AKT2: variants seen among roughly 807,000 people sequenced by gnomAD.
The protein encoded by AKT2 is AKT serine/threonine kinase 2.
AKT2 carries 16 observed loss-of-function variants against 58.6 expected under a neutral mutation model. That is an observed-to-expected ratio of 0.27 (90% CI 0.18 to 0.41). The LOEUF (loss-of-function observed/expected upper bound fraction) is 0.41. AKT2 is among the 10% of genes least tolerant of loss of function. AKT2 has a pLI of 1.00. For missense variants in AKT2, 438 were observed against 661.0 expected (o/e 0.66, Z 3.70); for synonymous variants, 253 against 254.0 (o/e 1.00, Z 0.04).
Position 40,233,560 on chromosome 19 carries a change from C to G in AKT2, c.*312G>C, listed in dbSNP as rs367853315. 2 of 670,698 alleles carry G rather than the reference C, an allele frequency of 3.0e-6. No homozygotes were observed. The highest frequency in any genetic ancestry group is 5.9e-5 in the East Asian group (2 of 34,078). 41.5% of individuals were successfully genotyped at this position (670,698 alleles called of 1,614,324 possible). On this transcript the variant is annotated 3_prime_UTR_variant, in exon 14 of 14. Coordinates refer to ENST00000392038, the MANE Select transcript of AKT2 (RefSeq NM_001626.6). The surrounding 1 kb of genome is among the most constrained non-coding windows in gnomAD (Gnocchi z 4.3). ...GCCAGAAACTCAGGCAGGCCCCAGG[C>G]GCCATGCTTCACCCCTCACTGGGGC...
At chr19:40,285,148 G>A (rs1196108790) in intron 1 of AKT2, 33 bp downstream of exon 1, 13 of 392,878 alleles carry the variant, frequency 3.3e-5, no homozygotes, top group African/African-American at 1.2e-4. Flanking sequence ...CATCGTGGGG[G>A]GGGCGTTCGG....
chr19:40,247,282 C>A (rs1196655495), intron 4 of AKT2, among the ~76,000 whole-genome samples: 3 of 152,198 alleles, frequency 2.0e-5, no homozygotes, highest in Non-Finnish European at 4.4e-5. Flanking sequence ...GGGTAAACCA[C>A]GACTGTAAAA....
In AKT2 at chr19:40,285,189, GGCA is replaced by G. The variant is rs1231117455; in HGVS notation, c.-96_-94del. On this transcript the variant is annotated 5_prime_UTR_variant, in exon 1 of 14. Coordinates refer to ENST00000392038, the MANE Select transcript of AKT2 (RefSeq NM_001626.6). ...CGCGCTGGCGCACTCACCTGTCACC[GGCA>G]GCCGCCCAGCCTCTCCGGCGGGGCT... 2.5e-6 allele frequency: 1 copy of G among 394,198 alleles called. No homozygotes were observed. Among genetic ancestry groups the G allele is most frequent in the Admixed American group, 4.4e-5 (1 of 22,548 alleles). The allele number at this position is 394,198 out of a possible 1,614,324, so 24.4% of individuals were successfully genotyped here.
At chr19:40,250,833 A>G (rs1222940315) in intron 4 of AKT2, among the ~76,000 whole-genome samples, 2 of 152,142 alleles carry the variant, frequency 1.3e-5, no homozygotes, top group Non-Finnish European at 1.5e-5. Context: ...AAACAACAAC[A>G]AAAAGATCAT....
intron 2 of AKT2, among the ~76,000 whole-genome samples, chr19:40,264,857 C>T (rs1187394462): frequency 6.6e-6 from 1 of 152,230 alleles, no homozygotes; most frequent in African/African-American, 2.4e-5. Context: ...ACCACTGTGT[C>T]TCGGAGCCCG....
intron 2 of AKT2, among the ~76,000 whole-genome samples, chr19:40,264,412 C>T (rs1462776718): frequency 1.3e-5 from 2 of 152,194 alleles, no homozygotes; most frequent in Non-Finnish European, 2.9e-5. Flanking sequence ...TCAGGCCACG[C>T]ATCGGCTCAC....
intron 1 of AKT2, among the ~76,000 whole-genome samples, chr19:40,271,793 A>G (rs2077220896): frequency 6.6e-6 from 1 of 152,216 alleles, no homozygotes; most frequent in Non-Finnish European, 1.5e-5. Context: ...GTCTGGCAGC[A>G]TCCTGGGTCT....
intron 1 of AKT2, among the ~76,000 whole-genome samples, chr19:40,281,235 G>A (rs551866838): frequency 4.6e-5 from 7 of 152,138 alleles, no homozygotes; most frequent in East Asian, 1.9e-4. Flanking sequence ...ATGCACCTAC[G>A]GTCCCAGCTA....
intron 4 of AKT2, among the ~76,000 whole-genome samples, chr19:40,247,598 G>T (rs1974834655): frequency 6.6e-6 from 1 of 152,146 alleles, no homozygotes; most frequent in Middle Eastern, 3.2e-3. Flanking sequence ...GAGCCCACGG[G>T]AAAAGCAAAG....
chr19:40,262,258 G>A (rs1312185573), intron 2 of AKT2, among the ~76,000 whole-genome samples: 1 of 149,914 alleles, frequency 6.7e-6, no homozygotes, highest in Admixed American at 6.6e-5. Flanking sequence ...AAAAAAAAAA[G>A]ACAAAAAACA....
chr19:40,264,425 C>T (rs1175386347), intron 2 of AKT2, among the ~76,000 whole-genome samples: 1 of 152,206 alleles, frequency 6.6e-6, no homozygotes, highest in Non-Finnish European at 1.5e-5. Flanking sequence ...CGGCTCACGA[C>T]ATCACAGGGC....
chr19:40,255,195 T>C lies in AKT2; in HGVS notation c.250A>G (p.Ile84Val). 1 of 1,614,150 alleles carries C rather than the reference T, an allele frequency of 6.2e-7. No individual in the cohort carries two copies. Among genetic ancestry groups the C allele is most frequent in the Non-Finnish European group, 8.5e-7 (1 of 1,179,970 alleles). The change falls in exon 4 of 14, where the codon ATC (isoleucine) becomes GTC (valine). Residue 84 changes from isoleucine (I) to valine (V), a missense_variant. Coordinates refer to ENST00000392038, the MANE Select transcript of AKT2 (RefSeq NM_001626.6). ...GAATCCACGTGGAAGGTCCTCTCGA[T>C]GACTGTGGTCCACTGCAGGCAGCGT... ...VIRCLQWTTVIERTFHVDSPD... is the reference protein window; with the variant it reads ...VIRCLQWTTVVERTFHVDSPD...
At chr19:40,239,744 C>A in intron 7 of AKT2, 1 of 589,822 alleles carries the variant, frequency 1.7e-6, no homozygotes, top group Non-Finnish European at 3.1e-6. Context: ...CTTCAACCAG[C>A]TGGGCTAAGT....
chr19:40,257,586 A>AACACACACACACAC (rs59835118), intron 2 of AKT2, among the ~76,000 whole-genome samples: 31 of 146,232 alleles, frequency 2.1e-4, no homozygotes, highest in African/African-American at 7.7e-4. Context: ...TATGCACACA[A>AACACACACACACAC]ACACACACAC....
At chr19:40,274,766 TGAAGG>T in intron 1 of AKT2, 1 of 318,900 alleles carries the variant, frequency 3.1e-6, no homozygotes, top group Non-Finnish European at 6.3e-6. Context: ...CAGGAGTGGG[TGAAGG>T]GGAGGGCCGG....
At chr19:40,250,778 T>C (rs962935052) in intron 4 of AKT2, among the ~76,000 whole-genome samples, 2 of 151,566 alleles carry the variant, frequency 1.3e-5, no homozygotes, top group Non-Finnish European at 2.9e-5. Context: ...CAGTGAGTCG[T>C]GATTCTGCCA....
chr19:40,249,433 G>C (rs1337845519), intron 4 of AKT2, among the ~76,000 whole-genome samples: 1 of 152,242 alleles, frequency 6.6e-6, no homozygotes, highest in Non-Finnish European at 1.5e-5. Context: ...GCCCCACTGA[G>C]GGAGAGACAC....
chr19:40,257,882 C>T (rs753318904), intron 2 of AKT2, among the ~76,000 whole-genome samples: 16 of 152,162 alleles, frequency 1.1e-4, no homozygotes, highest in Non-Finnish European at 2.2e-4. Flanking sequence ...GTGAAAGAAG[C>T]CAGTCACAAA....
At position 40,247,218 on chromosome 19, in the gene AKT2, G is replaced by A. The variant is rs995500459; in HGVS notation, c.288-4531C>T. Reference sequence around the variant, plus strand: ...AACATGGCGTCTGGGGCAAAGGGGAGCTCCCCATGAAGCTGGGCCTCAAGT... The same window carrying A: ...AACATGGCGTCTGGGGCAAAGGGGAACTCCCCATGAAGCTGGGCCTCAAGT... On this transcript the variant is annotated intron_variant, in intron 4 of 13. Coordinates refer to ENST00000392038, the MANE Select transcript of AKT2 (RefSeq NM_001626.6). Among the ~76,000 whole-genome samples, 32 of 152,206 alleles carry A rather than the reference G, an allele frequency of 2.1e-4. 1 individual carries two copies. The highest frequency in any genetic ancestry group is 7.7e-4 in the African/African-American group (32 of 41,440).
Sources: allele counts gnomAD v4.1 joint callset (sites outside exome capture counted in the v4.1 genomes callset), GRCh38; gene constraint gnomAD v4.1.1; non-coding constraint Gnocchi (gnomAD v3.1); transcripts MANE v1.5; gene names NCBI Gene and HGNC (gene_info 2026-07-23, HGNC 2026-07-21).